Variants in TRIO observed in about 807,000 individuals in gnomAD.
TRIO encodes the protein trio Rho guanine nucleotide exchange factor.
In TRIO, 58 loss-of-function variants were observed where a neutral mutation model predicts 351.9. The ratio of observed to expected loss-of-function variants is 0.16; its 90% CI spans 0.13 to 0.21. TRIO has a LOEUF of 0.21. Among genes scored for constraint, TRIO ranks in the 10% least tolerant of loss-of-function variants. TRIO has a pLI of 1.00. For synonymous variants in TRIO, 1,758 were observed against 1,595.7 expected (o/e 1.10, Z -2.42); for missense variants, 3,201 against 4,027.8 (o/e 0.79, Z 5.56).
chr5:14,390,407 C>T, intron 26 of TRIO, 107 bp downstream of exon 26: 1 of 1,011,518 alleles, frequency 9.9e-7, no homozygotes, highest in African/African-American at 1.6e-5. Context: ...CTGCTCATAT[C>T]CATGCTTGCG....
chr5:14,288,666 C>CAA (rs5866094), intron 4 of TRIO, among the ~76,000 whole-genome samples: 126 of 144,880 alleles, frequency 8.7e-4, no homozygotes, highest in Middle Eastern at 3.4e-3. Flanking sequence ...GATTCCGCCT[C>CAA]AAAAAAAAAA....
intron 7 of TRIO, among the ~76,000 whole-genome samples, chr5:14,301,050 C>G (rs1244880433): frequency 1.3e-5 from 2 of 151,972 alleles, no homozygotes; most frequent in Non-Finnish European, 2.9e-5. Flanking sequence ...TTGGTGGGAC[C>G]CAGAATAGGC....
rs1736459266 is a variant in TRIO at position 14,286,547 on chromosome 5, A to G, written c.348-324A>G. On this transcript the variant is annotated intron_variant, in intron 3 of 56. Transcript: ENST00000344204. The surrounding 1 kb of genome is among the most constrained non-coding windows in gnomAD (Gnocchi z 4.4). ...CAGGAGTGACTGGAGGAGTTCATGT[A>G]ATCAATTAATGCACCAAAGTCAGGA... is the stretch of plus-strand genomic sequence containing the variant. 6.6e-6 allele frequency among the ~76,000 whole-genome samples: 1 copy of G among 152,136 alleles called. No individual in the cohort carries two copies. The highest frequency in any genetic ancestry group is 1.5e-5 in the Non-Finnish European group (1 of 68,022).
rs536227027 is a variant in TRIO, at chr5:14,281,282, G to GA, written c.347+848dup. On this transcript the variant is annotated intron_variant, in intron 3 of 56. Transcript: ENST00000344204. ...TATGATCATGGCAGAAGGCAAGGGG[G>GA]AAGCAGGCACATCCTCACATGGTTG... Among the ~76,000 whole-genome samples the GA allele has an allele frequency of 1.1e-4, 17 of 152,272 alleles. No homozygotes were observed. In the South Asian group the frequency reaches 2.9e-3, roughly 26 times the overall value.
intron 7 of TRIO, chr5:14,297,563 A>T: frequency 4.1e-6 from 1 of 242,844 alleles, no homozygotes; most frequent in Non-Finnish European, 8.1e-6. Flanking sequence ...TGCCCGGCAC[A>T]GTAAGCACTA....
At chr5:14,226,403 T>C (rs1302206213) in intron 1 of TRIO, among the ~76,000 whole-genome samples, 2 of 152,178 alleles carry the variant, frequency 1.3e-5, no homozygotes, top group Non-Finnish European at 2.9e-5. Context: ...GTTGCCAGTT[T>C]CATGCAGCTT....
chr5:14,238,153 G>T (rs1191682067), intron 1 of TRIO, among the ~76,000 whole-genome samples: 1 of 152,190 alleles, frequency 6.6e-6, no homozygotes, highest in African/African-American at 2.4e-5. Flanking sequence ...CAGTGTACGT[G>T]TAGTTGATTT....
chr5:14,176,567 C>A (rs1221565048), intron 1 of TRIO, among the ~76,000 whole-genome samples: 3 of 152,182 alleles, frequency 2.0e-5, no homozygotes, highest in Non-Finnish European at 4.4e-5. Context: ...AGTCCTCCTA[C>A]CTCAGCCTCC....
At chr5:14,380,432 C>T (rs763178386) in intron 20 of TRIO, among the ~76,000 whole-genome samples, 1 of 152,172 alleles carries the variant, frequency 6.6e-6, no homozygotes, top group African/African-American at 2.4e-5. Flanking sequence ...TATCCCATCC[C>T]GCTTCCCACT....
At chr5:14,244,011 G>A (rs1794288262) in intron 1 of TRIO, among the ~76,000 whole-genome samples, 2 of 152,238 alleles carry the variant, frequency 1.3e-5, no homozygotes, top group South Asian at 4.1e-4. Flanking sequence ...GCTTGGCTGT[G>A]CAGCTCAGCC....
intron 34 of TRIO, among the ~76,000 whole-genome samples, chr5:14,454,925 G>A (rs1348297943): frequency 6.6e-6 from 1 of 152,190 alleles, no homozygotes; most frequent in Admixed American, 6.5e-5. Context: ...CTGGCTTCAG[G>A]AGTGAAGCTG....
At chr5:14,487,038 T>C (rs468121) in intron 47 of TRIO, among the ~76,000 whole-genome samples, 27,048 of 152,006 alleles carry the variant, frequency 0.18, 2,564 homozygotes, top group African/African-American at 0.23. Flanking sequence ...CTCTAGTAGC[T>C]CCTTAGCTTC....
At chr5:14,187,015 G>A (rs1353835805) in intron 1 of TRIO, among the ~76,000 whole-genome samples, 2 of 152,158 alleles carry the variant, frequency 1.3e-5, no homozygotes, top group Non-Finnish European at 1.5e-5. Context: ...ATTAGATAGG[G>A]CGTGAGGGCT....
intron 16 of TRIO, among the ~76,000 whole-genome samples, chr5:14,367,474 TC>T (rs1210782437): frequency 6.6e-6 from 1 of 152,188 alleles, no homozygotes; most frequent in African/African-American, 2.4e-5. Flanking sequence ...ACAGCAAAAC[TC>T]CTCAGATTCC....
chr5:14,446,374 C>T (rs1752441350), intron 34 of TRIO, among the ~76,000 whole-genome samples: 1 of 152,148 alleles, frequency 6.6e-6, no homozygotes, highest in South Asian at 2.1e-4. Flanking sequence ...TTGTCTTTGG[C>T]CTTTATTGTT....
chr5:14,429,022 C>T (rs925539037), intron 34 of TRIO, among the ~76,000 whole-genome samples: 4 of 152,206 alleles, frequency 2.6e-5, no homozygotes, highest in South Asian at 2.1e-4. Context: ...AGTACACAAA[C>T]GGGGTTCCCT....
chr5:14,501,106 T>A (rs1277669855), intron 53 of TRIO, among the ~76,000 whole-genome samples: 1 of 151,742 alleles, frequency 6.6e-6, no homozygotes, highest in Non-Finnish European at 1.5e-5. Context: ...GCCCTTTCAG[T>A]TAAAAAAAGA....
intron 1 of TRIO, among the ~76,000 whole-genome samples, chr5:14,241,153 A>ATT (rs1794103071): frequency 6.6e-6 from 1 of 152,250 alleles, no homozygotes; most frequent in Non-Finnish European, 1.5e-5. Flanking sequence ...TGCTAAAACA[A>ATT]TTTGAGTTTT....
intron 20 of TRIO, among the ~76,000 whole-genome samples, chr5:14,379,119 GAGA>G (rs1745835485): frequency 6.6e-6 from 1 of 152,138 alleles, no homozygotes; most frequent in African/African-American, 2.4e-5. Context: ...AAGCACAGGG[GAGA>G]AGGTGATTCC....
Sources: gnomAD v4.1 joint callset for allele counts (sites outside exome capture counted in the v4.1 genomes callset) on GRCh38, gnomAD v4.1.1 for gene constraint, Gnocchi (gnomAD v3.1) non-coding constraint, MANE v1.5 for transcripts, NCBI Gene and HGNC (gene_info 2026-07-23, HGNC 2026-07-21) for gene names.